The following PTCD2 variants were observed in gnomAD, a reference collection of about 807,000 sequenced individuals.
PTCD2 encodes the protein pentatricopeptide repeat-containing protein 2, mitochondrial.
Under a neutral mutation model 42.6 loss-of-function variants are expected in PTCD2, and 31 were observed. The observed-to-expected ratio is 0.73, with a 90% CI of 0.55 to 0.98. The LOEUF (loss-of-function observed/expected upper bound fraction) is 0.98. PTCD2 is among the 50% of genes least tolerant of loss of function. PTCD2 has a pLI of 0.00. For missense variants in PTCD2, 476 were observed against 454.8 expected, an observed-to-expected ratio of 1.05 and a Z score of -0.42; for synonymous variants, 183 against 170.9, an observed-to-expected ratio of 1.07 and a Z score of -0.55.
intron 7 of PTCD2, among the ~76,000 whole-genome samples, chr5:72,340,090 C>T (rs1200975770): frequency 6.6e-5 from 10 of 152,128 alleles, no homozygotes; most frequent in South Asian, 2.1e-4. Context: ...TCTTGGGTCT[C>T]GTTTGATGCT....
intron 2 of PTCD2, among the ~76,000 whole-genome samples, chr5:72,325,481 G>A (rs1293203575): frequency 1.3e-5 from 2 of 152,284 alleles, no homozygotes; most frequent in African/African-American, 2.4e-5. Context: ...TTACACATGA[G>A]GAATCAAGTC....
At chr5:72,355,162 A>G (rs1752813237) in intron 9 of PTCD2, among the ~76,000 whole-genome samples, 2 of 152,298 alleles carry the variant, frequency 1.3e-5, no homozygotes, top group South Asian at 4.1e-4. Context: ...CTGCAGCTTT[A>G]CTGACTTTAT....
At chr5:72,326,502 A>G in intron 2 of PTCD2, 110 bp from the exon 3 acceptor site, 2 of 1,122,324 alleles carry the variant, frequency 1.8e-6, no homozygotes, top group South Asian at 1.5e-5. Context: ...AACCCCTCTC[A>G]GTGCCCCTCT....
intron 5 of PTCD2, 67 bp from the exon 6 acceptor site, chr5:72,335,727 G>A (rs1016640031): frequency 2.1e-5 from 21 of 997,984 alleles, no homozygotes; most frequent in Non-Finnish European, 3.4e-5. Flanking sequence ...GTGCTGAACA[G>A]ATGAGAGCTT....
intron 2 of PTCD2, among the ~76,000 whole-genome samples, chr5:72,325,301 G>C (rs1280991816): frequency 6.6e-6 from 1 of 152,186 alleles, no homozygotes; most frequent in African/African-American, 2.4e-5. Context: ...TTTTAGACTG[G>C]AAGTTGCTTA....
chr5:72,335,951 C>G (rs538155035), intron 6 of PTCD2, 66 bp downstream of exon 6: 1 of 852,920 alleles, frequency 1.2e-6, no homozygotes, highest in Non-Finnish European at 1.9e-6. Flanking sequence ...TTTTTCTTCT[C>G]TCTACAAATA....
chr5:72,331,248 T>C lies in PTCD2; in HGVS notation c.351-10T>C, dbSNP rs369564654. On this transcript the variant is annotated splice_polypyrimidine_tract_variant and intron_variant, in intron 3 of 9. Coordinates refer to ENST00000380639, the MANE Select transcript of PTCD2 (RefSeq NM_024754.5). ...TACCTTTTGGCTCATTGAATCATTT[T>C]CATTACCAGGTACCATGCAGAGAAC... The C allele has an allele frequency of 3.6e-5, 57 of 1,570,896 alleles. No homozygotes were observed. Among genetic ancestry groups the C allele is most frequent in the Non-Finnish European group, 4.4e-5 (50 of 1,140,720 alleles).
intron 8 of PTCD2, among the ~76,000 whole-genome samples, chr5:72,350,977 C>A (rs1054992702): frequency 6.6e-6 from 1 of 152,018 alleles, no homozygotes; most frequent in South Asian, 2.1e-4. Flanking sequence ...GGTATATTTC[C>A]GTGATGAATT....
At position 72,366,197 on chromosome 5, in the gene PTCD2, CAA is replaced by C. The variant is rs1753201966; in HGVS notation, c.*7771_*7772del. 2 of 152,168 alleles carry C rather than the reference CAA, an allele frequency of 1.3e-5. No homozygotes were observed. The highest frequency in any genetic ancestry group is 2.4e-5 in the African/African-American group (1 of 41,432). The allele number at this position is 152,168 out of a possible 1,614,324, so 9.4% of individuals were successfully genotyped here. ...CGCCATTGCACTCTAGCCTAGGCGA[CAA>C]GAGCGAAACTATGTTTCAAATAATA... On this transcript the variant is annotated 3_prime_UTR_variant, in exon 10 of 10. Coordinates refer to ENST00000380639, the MANE Select transcript of PTCD2 (RefSeq NM_024754.5).
At chr5:72,336,601 C>T (rs979221906) in intron 6 of PTCD2, among the ~76,000 whole-genome samples, 4 of 151,632 alleles carry the variant, frequency 2.6e-5, no homozygotes, top group African/African-American at 7.3e-5. Flanking sequence ...ATCCCAGCTA[C>T]TCTGGAGGCT....
At chr5:72,335,458 A>T (rs1036848474) in intron 5 of PTCD2, 7 of 209,152 alleles carry the variant, frequency 3.3e-5, no homozygotes, top group African/African-American at 1.6e-4. Flanking sequence ...TCCGTCTCAA[A>T]AAAAAAAAAA....
In PTCD2 at chr5:72,364,620, G is replaced by A. The variant is rs919694447; in HGVS notation, c.*6193G>A. 3 of 152,018 alleles carry A rather than the reference G, an allele frequency of 2.0e-5. No individual in the cohort carries two copies. The highest frequency in any genetic ancestry group is 2.1e-4 in the South Asian group (1 of 4,810). 9.4% of individuals were successfully genotyped at this position (152,018 alleles called of 1,614,324 possible). On this transcript the variant is annotated 3_prime_UTR_variant, in exon 10 of 10. Coordinates refer to ENST00000380639, the MANE Select transcript of PTCD2 (RefSeq NM_024754.5). The stretch of plus-strand genomic sequence containing the variant: ...TGAAAGAGTGATTTCATTAATTAAC[G>A]GCAGATTTTAGTTAATATGTACAGT...
chr5:72,349,863 T>G (rs1752535118), intron 8 of PTCD2, among the ~76,000 whole-genome samples: 1 of 152,194 alleles, frequency 6.6e-6, no homozygotes, highest in Non-Finnish European at 1.5e-5. Flanking sequence ...CCTTCATCAG[T>G]GTATTTTAAG....
intron 4 of PTCD2, among the ~76,000 whole-genome samples, chr5:72,334,571 A>T (rs1393401520): frequency 1.3e-5 from 2 of 150,120 alleles, no homozygotes; most frequent in East Asian, 3.9e-4. Flanking sequence ...TTTCTTTTTG[A>T]GACGGAGTCT....
chr5:72,322,889 C>T (rs1209575959), intron 2 of PTCD2, among the ~76,000 whole-genome samples: 2 of 152,202 alleles, frequency 1.3e-5, no homozygotes, highest in Non-Finnish European at 2.9e-5. Context: ...CATGATGGCT[C>T]ATGCCTGTAA....
chr5:72,355,296 T>C (rs907716901), intron 9 of PTCD2, among the ~76,000 whole-genome samples: 1 of 152,214 alleles, frequency 6.6e-6, no homozygotes, highest in Non-Finnish European at 1.5e-5. Flanking sequence ...TGGTAGATGA[T>C]GGATAGTTTT....
Position 72,331,384 on chromosome 5 carries a change from T to A in PTCD2, c.468+9T>A. 6.4e-7 allele frequency: 1 copy of A among 1,562,332 alleles called. No homozygotes were observed. The highest frequency in any genetic ancestry group is 8.8e-7 in the Non-Finnish European group (1 of 1,132,650). On this transcript the variant is annotated intron_variant, in intron 4 of 9. Coordinates refer to ENST00000380639, the MANE Select transcript of PTCD2 (RefSeq NM_024754.5). ...AGCTCATGAAAGACCAGGTTATTGT[T>A]TCCTAATTGTTTTCTCTGCCAATGT...
At chr5:72,344,097 C>A (rs1031083409) in intron 8 of PTCD2, among the ~76,000 whole-genome samples, 2 of 152,150 alleles carry the variant, frequency 1.3e-5, no homozygotes, top group African/African-American at 4.8e-5. Context: ...ACGTGAGGGG[C>A]CCTTAGGGCG....
rs1258835044 is a variant in PTCD2 at position 72,360,131 on chromosome 5, A to G, written c.*1704A>G. 6.6e-6 allele frequency: 1 copy of G among 152,066 alleles called. No individual in the cohort carries two copies. The highest frequency in any genetic ancestry group is 2.4e-5 in the African/African-American group (1 of 41,400). The allele number at this position is 152,066 out of a possible 1,614,324, so 9.4% of individuals were successfully genotyped here. A position where few individuals can be genotyped will look rare whatever the true frequency, so the allele number is the denominator to read the frequency against. ...CCTTGTGCTCTGTGAAACATTGAAC[A>G]GCCCCATTTAGAGAAACAAATTCTC... On this transcript the variant is annotated 3_prime_UTR_variant, in exon 10 of 10. Transcript: ENST00000380639.
Sources: allele counts gnomAD v4.1 joint callset (sites outside exome capture counted in the v4.1 genomes callset), GRCh38; gene constraint gnomAD v4.1.1; transcripts MANE v1.5; gene names NCBI Gene and HGNC (gene_info 2026-07-23, HGNC 2026-07-21).